Variants in NEK7 observed in about 807,000 individuals in gnomAD.
The protein encoded by NEK7 is NIMA related kinase 7.
A neutral mutation model predicts 44.6 loss-of-function variants in NEK7; 18 were observed. The observed-to-expected ratio is 0.40, with a 90% confidence interval of 0.28 to 0.60. The LOEUF is 0.60. Ranked by LOEUF, NEK7 falls within the 20% of genes least tolerant of loss-of-function variation. The pLI is 0.38. For missense variants in NEK7, 256 were observed against 366.5 expected, an observed-to-expected ratio of 0.70 and a Z score of 2.46; for synonymous variants, 130 against 121.1, an observed-to-expected ratio of 1.07 and a Z score of -0.48.
chr1:198,203,263 T>C (rs1413890086), intron 1 of NEK7, among the ~76,000 whole-genome samples: 1 of 152,192 alleles, frequency 6.6e-6, no homozygotes, highest in Non-Finnish European at 1.5e-5. Context: ...CTTGAAACTG[T>C]CTTCCTGGAT....
At chr1:198,192,308 C>T (rs1665103372) in intron 1 of NEK7, among the ~76,000 whole-genome samples, 2 of 150,704 alleles carry the variant, frequency 1.3e-5, no homozygotes, top group South Asian at 4.2e-4. Flanking sequence ...TCAGTCTCAC[C>T]ATAGATTTGT....
At chr1:198,160,321 T>C (rs1664067281) in intron 1 of NEK7, among the ~76,000 whole-genome samples, 1 of 152,078 alleles carries the variant, frequency 6.6e-6, no homozygotes, top group Non-Finnish European at 1.5e-5. Context: ...TGATTTTTTT[T>C]TTTTTTTAAA....
chr1:198,312,018 T>A (rs1422436100), intron 9 of NEK7, among the ~76,000 whole-genome samples: 22 of 152,302 alleles, frequency 1.4e-4, no homozygotes, highest in South Asian at 6.2e-4. Context: ...GAATGGTACC[T>A]GTTCCTCCTT....
chr1:198,164,160 C>T (rs1297348292), intron 1 of NEK7, among the ~76,000 whole-genome samples: 1 of 152,176 alleles, frequency 6.6e-6, no homozygotes, highest in African/African-American at 2.4e-5. Context: ...CCCGTTTACT[C>T]CTCTAATCAC....
At chr1:198,316,618 T>C (rs1482472681) in intron 9 of NEK7, among the ~76,000 whole-genome samples, 1 of 152,258 alleles carries the variant, frequency 6.6e-6, no homozygotes, top group African/African-American at 2.4e-5. Context: ...ATTATTTCTG[T>C]GATTTCCTCA....
At chr1:198,309,705 G>C (rs1571621004) in intron 9 of NEK7, among the ~76,000 whole-genome samples, 1 of 148,220 alleles carries the variant, frequency 6.7e-6, no homozygotes, top group East Asian at 2.0e-4. Context: ...TTGGTTTTTT[G>C]TTCTTGCGAT....
intron 1 of NEK7, among the ~76,000 whole-genome samples, chr1:198,157,719 G>T (rs1663954726): frequency 1.3e-5 from 2 of 152,218 alleles, no homozygotes; most frequent in South Asian, 4.1e-4. Context: ...CCCGACTTAG[G>T]AAAGTGAAGT....
At chr1:198,216,215 G>GA (rs1228623289) in intron 1 of NEK7, among the ~76,000 whole-genome samples, 1 of 151,908 alleles carries the variant, frequency 6.6e-6, no homozygotes, top group Non-Finnish European at 1.5e-5. Context: ...TATAAAAATA[G>GA]AAATCACATC....
At chr1:198,178,207 CTAAA>C (rs1264921637) in intron 1 of NEK7, among the ~76,000 whole-genome samples, 1 of 151,924 alleles carries the variant, frequency 6.6e-6, no homozygotes, top group African/African-American at 2.4e-5. Flanking sequence ...AAGAAAATCA[CTAAA>C]TAAGAGAAAG....
intron 1 of NEK7, among the ~76,000 whole-genome samples, chr1:198,230,672 G>T (rs565608419): frequency 6.6e-6 from 1 of 152,062 alleles, no homozygotes; most frequent in East Asian, 1.9e-4. Context: ...TCTATCTATT[G>T]TAGTAAGGCA....
At chr1:198,228,934 C>G (rs4554746) in intron 1 of NEK7, among the ~76,000 whole-genome samples, 19,901 of 152,154 alleles carry the variant, frequency 0.13, 1,992 homozygotes, top group East Asian at 0.57. Context: ...GAGGGCATCC[C>G]TGTCTTGTGC....
At chr1:198,239,725 C>T (rs548641846) in intron 2 of NEK7, among the ~76,000 whole-genome samples, 3 of 152,076 alleles carry the variant, frequency 2.0e-5, no homozygotes, top group Non-Finnish European at 4.4e-5. Context: ...AAGTTAATTT[C>T]TACTTTTTCC....
At chr1:198,211,686 TA>T (rs1665774492) in intron 1 of NEK7, among the ~76,000 whole-genome samples, 1 of 152,188 alleles carries the variant, frequency 6.6e-6, no homozygotes, top group Non-Finnish European at 1.5e-5. Flanking sequence ...GTGTTAATAA[TA>T]TAGTTCTAAT....
intron 2 of NEK7, among the ~76,000 whole-genome samples, chr1:198,249,181 A>G (rs1485927006): frequency 2.0e-5 from 3 of 151,074 alleles, no homozygotes; most frequent in East Asian, 2.0e-4. Flanking sequence ...GAGAATGATG[A>G]TTTCCAGTTT....
Position 198,232,680 on chromosome 1 carries a change from G to A in NEK7, c.57+43G>A, listed in dbSNP as rs370279910. On this transcript the variant is annotated intron_variant, in intron 2 of 9. Transcript: ENST00000367385. ...AGATGGGCAGAACTATATATAATCTGTGTTAAATATGTGTAAGAAAGTAGT... is the reference window on the plus strand; with the variant it reads ...AGATGGGCAGAACTATATATAATCTATGTTAAATATGTGTAAGAAAGTAGT... 1.5e-5 allele frequency: 17 copies of A among 1,123,240 alleles called. No individual in the cohort carries two copies. The African/African-American group carries it at 1.7e-4, about 11-fold the overall frequency. 69.6% of individuals were successfully genotyped at this position (1,123,240 alleles called of 1,614,324 possible).
chr1:198,250,233 G>A (rs12093879), intron 2 of NEK7, among the ~76,000 whole-genome samples: 44,936 of 123,752 alleles, frequency 0.36, 5,520 homozygotes, highest in East Asian at 0.59. Context: ...TGTTCCATTG[G>A]TCTATATCTC....
chr1:198,250,471 A>T (rs1369936027), intron 2 of NEK7, among the ~76,000 whole-genome samples: 2 of 151,754 alleles, frequency 1.3e-5, no homozygotes, highest in African/African-American at 4.9e-5. Context: ...TACCTTGGGC[A>T]GTATGGCCAT....
chr1:198,175,613 T>C (rs1349453599), intron 1 of NEK7, among the ~76,000 whole-genome samples: 2 of 152,222 alleles, frequency 1.3e-5, no homozygotes, highest in Non-Finnish European at 2.9e-5. Context: ...ATTAGCTTAG[T>C]GAGCATGTGC....
At chr1:198,317,436 T>G (rs1287676436) in intron 9 of NEK7, among the ~76,000 whole-genome samples, 1 of 152,218 alleles carries the variant, frequency 6.6e-6, no homozygotes, top group Admixed American at 6.5e-5. Context: ...AATTCTTGTC[T>G]TTTTACTTTG....
Sources: allele counts gnomAD v4.1 joint callset (sites outside exome capture counted in the v4.1 genomes callset), GRCh38; gene constraint gnomAD v4.1.1; transcripts MANE v1.5; gene names NCBI Gene and HGNC (gene_info 2026-07-23, HGNC 2026-07-21).